Variants in TMEM132B observed in about 807,000 individuals in gnomAD.
The protein encoded by TMEM132B is transmembrane protein 132B.
In TMEM132B, 18 loss-of-function variants were observed where a neutral mutation model predicts 90.8. That is an observed-to-expected ratio of 0.20 (90% CI 0.14 to 0.29). The LOEUF (loss-of-function observed/expected upper bound fraction) is 0.29, where lower values mean the gene tolerates loss of function less well. Ranked by LOEUF, TMEM132B falls within the 10% of genes least tolerant of loss-of-function variation. The pLI, the probability that TMEM132B is intolerant of heterozygous loss-of-function variation, is 1.00. For synonymous variants in TMEM132B, 504 were observed against 523.3 expected (o/e 0.96, Z 0.50); for missense variants, 1,096 against 1,326.8 (o/e 0.83, Z 2.70).
At chr12:125,300,391 C>G (rs1210729996) in intron 1 of TMEM132B, among the ~76,000 whole-genome samples, 2 of 152,130 alleles carry the variant, frequency 1.3e-5, no homozygotes, top group Non-Finnish European at 2.9e-5. Flanking sequence ...CCTGACAGAG[C>G]CAGAGGCTGT....
intron 2 of TMEM132B, among the ~76,000 whole-genome samples, chr12:125,359,476 A>G (rs1246890425): frequency 6.6e-6 from 1 of 152,172 alleles, no homozygotes; most frequent in Non-Finnish European, 1.5e-5. Context: ...CCCAGATCAT[A>G]TTAGTAAAAA....
chr12:125,294,442 T>G (rs1445052495), intron 1 of TMEM132B, among the ~76,000 whole-genome samples: 1 of 152,250 alleles, frequency 6.6e-6, no homozygotes, highest in Non-Finnish European at 1.5e-5. Flanking sequence ...TTAAACATTA[T>G]GCATGGAGAT....
chr12:125,335,252 C>G (rs1329774064), intron 1 of TMEM132B, among the ~76,000 whole-genome samples: 2 of 152,210 alleles, frequency 1.3e-5, no homozygotes, highest in African/African-American at 4.8e-5. Flanking sequence ...TCAGTACTGA[C>G]TTGGTGTAAA....
intron 4 of TMEM132B, among the ~76,000 whole-genome samples, chr12:125,578,794 A>G (rs1401390507): frequency 6.6e-6 from 1 of 152,196 alleles, no homozygotes; most frequent in Non-Finnish European, 1.5e-5. Context: ...CCAGTTTCTG[A>G]TAATACAACA....
At chr12:125,340,320 G>A (rs375455179) in intron 1 of TMEM132B, among the ~76,000 whole-genome samples, 24 of 152,192 alleles carry the variant, frequency 1.6e-4, no homozygotes, top group African/African-American at 2.4e-4. Flanking sequence ...TCTTTCTATT[G>A]TCTGAATTCA....
chr12:125,607,002 G>A (rs1452045086), intron 5 of TMEM132B, among the ~76,000 whole-genome samples: 1 of 152,166 alleles, frequency 6.6e-6, no homozygotes, highest in Non-Finnish European at 1.5e-5. Context: ...GAAGTCCCTG[G>A]ACTATTGCTA....
At chr12:125,527,487 TCCAACCAC>T (rs1349766344) in intron 4 of TMEM132B, among the ~76,000 whole-genome samples, 192 of 134,776 alleles carry the variant, frequency 1.4e-3, no homozygotes, top group African/African-American at 4.4e-3. Context: ...CATCCACCCT[TCCAACCAC>T]CCATCCACCC....
At chr12:125,449,983 G>A (rs146748021) in intron 3 of TMEM132B, among the ~76,000 whole-genome samples, 1 of 152,278 alleles carries the variant, frequency 6.6e-6, no homozygotes, top group East Asian at 1.9e-4. Context: ...GTAGTGGTAT[G>A]ACTTATGATT....
intron 3 of TMEM132B, among the ~76,000 whole-genome samples, chr12:125,480,523 T>C (rs888613758): frequency 6.6e-6 from 1 of 152,148 alleles, no homozygotes; most frequent in Non-Finnish European, 1.5e-5. Flanking sequence ...AATGGATAAA[T>C]TCCGGGCCAC....
At chr12:125,609,675 G>T (rs1885777580) in intron 5 of TMEM132B, among the ~76,000 whole-genome samples, 1 of 151,686 alleles carries the variant, frequency 6.6e-6, no homozygotes, top group Non-Finnish European at 1.5e-5. Flanking sequence ...AAATTAGCCG[G>T]GCGTGGTGGC....
intron 1 of TMEM132B, among the ~76,000 whole-genome samples, chr12:125,189,437 G>A (rs1013866998): frequency 6.6e-6 from 1 of 152,158 alleles, no homozygotes; most frequent in Non-Finnish European, 1.5e-5. Context: ...TGAGTGGCAG[G>A]GGGGAGCTTT....
chr12:125,280,698 A>G (rs913657128), intron 1 of TMEM132B, among the ~76,000 whole-genome samples: 2 of 152,226 alleles, frequency 1.3e-5, no homozygotes, highest in African/African-American at 4.8e-5. Flanking sequence ...GACCCCACCC[A>G]GGCACTGGGA....
intron 1 of TMEM132B, among the ~76,000 whole-genome samples, chr12:125,222,495 T>G (rs1873581801): frequency 6.6e-6 from 1 of 152,122 alleles, no homozygotes; most frequent in African/African-American, 2.4e-5. Context: ...ATATAGGGAC[T>G]CCATACAGCA....
At chr12:125,224,754 C>T (rs1873638830) in intron 1 of TMEM132B, among the ~76,000 whole-genome samples, 1 of 152,250 alleles carries the variant, frequency 6.6e-6, no homozygotes, top group Non-Finnish European at 1.5e-5. Flanking sequence ...CTCTCCCTTC[C>T]CTGGCCTTTT....
intron 1 of TMEM132B, among the ~76,000 whole-genome samples, chr12:125,302,891 G>A (rs1875866731): frequency 6.6e-6 from 1 of 152,152 alleles, no homozygotes; most frequent in Non-Finnish European, 1.5e-5. Context: ...GAGGTTAGGA[G>A]ATCGAGACCA....
At chr12:125,608,456 T>C (rs1885749944) in intron 5 of TMEM132B, among the ~76,000 whole-genome samples, 1 of 152,220 alleles carries the variant, frequency 6.6e-6, no homozygotes, top group African/African-American at 2.4e-5. Flanking sequence ...TCTCTTTATA[T>C]ATTCTAGATA....
chr12:125,625,400 T>C (rs1008352919), intron 5 of TMEM132B, among the ~76,000 whole-genome samples: 1 of 152,212 alleles, frequency 6.6e-6, no homozygotes, highest in Non-Finnish European at 1.5e-5. Flanking sequence ...CCCAAAGTGC[T>C]GGGATTACAG....
intron 5 of TMEM132B, among the ~76,000 whole-genome samples, chr12:125,629,097 T>G (rs1254212947): frequency 6.6e-6 from 1 of 152,188 alleles, no homozygotes; most frequent in East Asian, 1.9e-4. Context: ...CCTCCAGTTT[T>G]GCTTTCTTTG....
intron 1 of TMEM132B, among the ~76,000 whole-genome samples, chr12:125,230,302 G>A (rs566182426): frequency 5.9e-5 from 9 of 152,268 alleles, no homozygotes; most frequent in Admixed American, 3.3e-4. Flanking sequence ...GCGGGGAGGG[G>A]TGTGTTGGCT....
Sources: allele counts gnomAD v4.1 joint callset (sites outside exome capture counted in the v4.1 genomes callset), GRCh38; gene constraint gnomAD v4.1.1; transcripts MANE v1.5; gene names NCBI Gene and HGNC (gene_info 2026-07-23, HGNC 2026-07-21).